BFSP2: variants seen among roughly 807,000 people sequenced by gnomAD.
The protein encoded by BFSP2 is beaded filament structural protein 2.
In BFSP2, 38 loss-of-function variants were observed where a neutral mutation model predicts 44.9. The observed-to-expected ratio is 0.85, with a 90% CI of 0.65 to 1.11. The LOEUF (loss-of-function observed/expected upper bound fraction) is 1.11. Ranked by LOEUF, BFSP2 falls within the 50% of genes least tolerant of loss-of-function variation. The pLI is 0.00. For synonymous variants in BFSP2, 197 were observed against 209.9 expected (o/e 0.94, Z 0.53); for missense variants, 525 against 533.0 (o/e 0.99, Z 0.15).
chr3:133,427,764 C>T (rs554610267), intron 1 of BFSP2, among the ~76,000 whole-genome samples: 6 of 152,344 alleles, frequency 3.9e-5, no homozygotes, highest in South Asian at 4.1e-4. Context: ...TTGTTCCCTT[C>T]GTTACATTAG....
Position 133,475,164 on chromosome 3 carries a change from T to A in BFSP2, c.*192T>A, listed in dbSNP as rs2074202338. ...TCTGAGTAGTCTGTAGCTTGAGCAA[T>A]CTCCCTTGTCCTCCTTCAAATAAAT... On this transcript the variant is annotated 3_prime_UTR_variant, in exon 7 of 7. Coordinates refer to ENST00000302334, the MANE Select transcript of BFSP2 (RefSeq NM_003571.4). The A allele has an allele frequency of 1.3e-6, 1 of 752,458 alleles. No homozygotes were observed. The highest frequency in any genetic ancestry group is 1.8e-5 in the African/African-American group (1 of 56,980). The allele number at this position is 752,458 out of a possible 1,614,324, so 46.6% of individuals were successfully genotyped here.
chr3:133,455,261 G>A (rs1434570005), intron 4 of BFSP2: 1 of 152,160 alleles, frequency 6.6e-6, no homozygotes, highest in Non-Finnish European at 1.5e-5. Flanking sequence ...TATATGACTG[G>A]CAGTGCAATA....
At chr3:133,433,325 G>A (rs1209839412) in intron 1 of BFSP2, among the ~76,000 whole-genome samples, 1 of 152,168 alleles carries the variant, frequency 6.6e-6, no homozygotes, top group Non-Finnish European at 1.5e-5. Context: ...CTATGCTATA[G>A]TACAAGCCAC....
intron 1 of BFSP2, among the ~76,000 whole-genome samples, chr3:133,404,119 T>C (rs1157147923): frequency 6.6e-6 from 1 of 152,198 alleles, no homozygotes; most frequent in Non-Finnish European, 1.5e-5. Flanking sequence ...CAGAGATCAC[T>C]GCAACCTCAA....
intron 1 of BFSP2, among the ~76,000 whole-genome samples, chr3:133,416,238 AC>A (rs2073527086): frequency 3.4e-5 from 2 of 58,248 alleles, no homozygotes; most frequent in South Asian, 1.3e-3. Context: ...CCTCTACTCA[AC>A]CCTGCCCTCT....
chr3:133,448,547 A>G lies in BFSP2; in HGVS notation c.631A>G (p.Lys211Glu). Residue 211 changes from lysine to glutamate, a missense_variant, in exon 3 of 7, where the codon AAA (lysine) becomes GAA (glutamate). Lys to Glu is a moderately conservative substitution (Grantham distance 56). Transcript: ENST00000302334. ...AAEEEINSLY[K>E]VIDEANLTKM... ...AGAAGAGGAAATTAACTCTCTGTAT[A>G]AAGTCATTGATGAGGCTAATTTGAC... is the stretch of plus-strand genomic sequence containing the variant. The G allele has an allele frequency of 1.2e-6, 2 of 1,614,144 alleles. No homozygotes were observed. The highest frequency in any genetic ancestry group is 8.5e-7 in the Non-Finnish European group (1 of 1,180,004).
chr3:133,437,463 C>T (rs925874366), intron 1 of BFSP2, among the ~76,000 whole-genome samples: 12 of 151,522 alleles, frequency 7.9e-5, no homozygotes, highest in East Asian at 1.9e-4. Context: ...GTGGAGGTTG[C>T]GGCGAGCCGA....
At chr3:133,441,116 T>C (rs1441601545) in intron 1 of BFSP2, among the ~76,000 whole-genome samples, 1 of 150,202 alleles carries the variant, frequency 6.7e-6, no homozygotes, top group Non-Finnish European at 1.5e-5. Flanking sequence ...CTCGGCTCAC[T>C]GCAACCTCCG....
intron 1 of BFSP2, among the ~76,000 whole-genome samples, chr3:133,401,098 T>C (rs994070406): frequency 1.1e-4 from 17 of 152,334 alleles, no homozygotes; most frequent in Non-Finnish European, 2.4e-4. Flanking sequence ...CGCTGTTCAA[T>C]AGAAATATGA....
At chr3:133,474,454 C>T (rs550504200) in intron 6 of BFSP2, among the ~76,000 whole-genome samples, 2 of 152,364 alleles carry the variant, frequency 1.3e-5, no homozygotes, top group African/African-American at 2.4e-5. Context: ...GACCTAACCA[C>T]GCCCTGCTTT....
chr3:133,421,468 C>A (rs551304730), intron 1 of BFSP2, among the ~76,000 whole-genome samples: 1 of 152,320 alleles, frequency 6.6e-6, no homozygotes, highest in Admixed American at 6.5e-5. Flanking sequence ...CCCATCTCTA[C>A]CTTCATTCTT....
At position 133,424,027 on chromosome 3, in the gene BFSP2, TA is replaced by T. The variant is rs1358910320; in HGVS notation, c.490-23289del. Among the ~76,000 whole-genome samples the T allele has an allele frequency of 2.0e-5, 3 of 149,908 alleles. No individual in the cohort carries two copies. The South Asian group carries it at 6.3e-4, about 32-fold the overall frequency. ...ATATATCGACCAGCTAGTCTGTTTC[TA>T]TTCTCTTCTGCTTTTTTTTTTTGCG... On this transcript the variant is annotated intron_variant, in intron 1 of 6. Coordinates refer to ENST00000302334, the MANE Select transcript of BFSP2 (RefSeq NM_003571.4).
At chr3:133,434,891 C>T (rs1015974463) in intron 1 of BFSP2, among the ~76,000 whole-genome samples, 1 of 151,878 alleles carries the variant, frequency 6.6e-6, no homozygotes, top group South Asian at 2.1e-4. Flanking sequence ...TGACTCTTTT[C>T]GGACTCAGCC....
chr3:133,402,704 G>A (rs912979102), intron 1 of BFSP2, among the ~76,000 whole-genome samples: 9 of 150,128 alleles, frequency 6.0e-5, no homozygotes, highest in Middle Eastern at 3.4e-3. Context: ...GCAGTGGTGC[G>A]ATCTCAACTC....
chr3:133,432,528 T>C (rs2073733527), intron 1 of BFSP2, among the ~76,000 whole-genome samples: 1 of 152,174 alleles, frequency 6.6e-6, no homozygotes, highest in Non-Finnish European at 1.5e-5. Context: ...CTCTTTCTCA[T>C]GATTTACTTT....
chr3:133,428,207 C>T (rs1294067530), intron 1 of BFSP2, among the ~76,000 whole-genome samples: 1 of 152,150 alleles, frequency 6.6e-6, no homozygotes, highest in African/African-American at 2.4e-5. Flanking sequence ...AAGCCCAAGC[C>T]TAGGGTTCTC....
intron 1 of BFSP2, among the ~76,000 whole-genome samples, chr3:133,444,315 T>G (rs868697277): frequency 6.6e-6 from 1 of 152,126 alleles, no homozygotes; most frequent in Non-Finnish European, 1.5e-5. Context: ...TGCCAGGCAA[T>G]CTGCTGAGTC....
intron 1 of BFSP2, among the ~76,000 whole-genome samples, chr3:133,418,421 G>C (rs1163120421): frequency 6.6e-6 from 1 of 152,170 alleles, no homozygotes; most frequent in Non-Finnish European, 1.5e-5. Context: ...GAGTAACTGG[G>C]ACAAGGAGGA....
chr3:133,431,748 C>T (rs924352984), intron 1 of BFSP2, among the ~76,000 whole-genome samples: 2 of 152,156 alleles, frequency 1.3e-5, no homozygotes, highest in African/African-American at 2.4e-5. Flanking sequence ...ATTTCCCTTG[C>T]CTCCATAACT....
Sources: gnomAD v4.1 joint callset for allele counts (sites outside exome capture counted in the v4.1 genomes callset) on GRCh38, gnomAD v4.1.1 for gene constraint, MANE v1.5 for transcripts, NCBI Gene and HGNC (gene_info 2026-07-23, HGNC 2026-07-21) for gene names.